AGBL4: variants seen among roughly 807,000 people sequenced by gnomAD.
AGBL4 encodes cytosolic carboxypeptidase 6.
AGBL4 carries 58 observed loss-of-function variants against 66.4 expected under a neutral mutation model. The ratio of observed to expected loss-of-function variants is 0.87; its 90% CI spans 0.71 to 1.09. The LOEUF is 1.09. AGBL4 is among the 50% of genes least tolerant of loss of function. AGBL4 has a pLI of 0.00. For missense variants in AGBL4, 579 were observed against 631.0 expected (o/e 0.92, Z 0.88); for synonymous variants, 234 against 222.9 (o/e 1.05, Z -0.44).
intron 2 of AGBL4, among the ~76,000 whole-genome samples, chr1:49,701,354 T>C (rs1228221580): frequency 6.6e-6 from 1 of 152,104 alleles, no homozygotes; most frequent in Non-Finnish European, 1.5e-5. Flanking sequence ...TTATGTTAAG[T>C]ATTTTTATCA....
chr1:49,060,190 T>C (rs1644378717), intron 4 of AGBL4, among the ~76,000 whole-genome samples: 1 of 152,160 alleles, frequency 6.6e-6, no homozygotes, highest in Non-Finnish European at 1.5e-5. Context: ...TGGTAGGTAA[T>C]TGAATCATGA....
intron 4 of AGBL4, among the ~76,000 whole-genome samples, chr1:49,104,322 C>T (rs1340668238): frequency 6.6e-6 from 1 of 152,090 alleles, no homozygotes; most frequent in Non-Finnish European, 1.5e-5. Context: ...CCACAGTTGA[C>T]TGAATCTCCT....
chr1:49,543,565 C>G (rs971481036), intron 3 of AGBL4, among the ~76,000 whole-genome samples: 2 of 152,086 alleles, frequency 1.3e-5, no homozygotes, highest in African/African-American at 4.8e-5. Flanking sequence ...ATACTGTAAA[C>G]AAGCTAATAT....
At chr1:49,773,672 G>A (rs753855160) in intron 2 of AGBL4, among the ~76,000 whole-genome samples, 4 of 152,196 alleles carry the variant, frequency 2.6e-5, no homozygotes, top group Non-Finnish European at 5.9e-5. Flanking sequence ...AAGGTTGTGT[G>A]TCTGACTCTG....
chr1:48,958,522 A>G (rs1474278819), intron 5 of AGBL4, among the ~76,000 whole-genome samples: 1 of 152,262 alleles, frequency 6.6e-6, no homozygotes, highest in Non-Finnish European at 1.5e-5. Context: ...CCTATTACAT[A>G]TTAGAGCCTC....
chr1:49,298,533 C>G (rs2148439280), intron 3 of AGBL4, among the ~76,000 whole-genome samples: 1 of 152,298 alleles, frequency 6.6e-6, no homozygotes, highest in Non-Finnish European at 1.5e-5. Flanking sequence ...AGCAATCATG[C>G]TAAATCAGGG....
intron 1 of AGBL4, among the ~76,000 whole-genome samples, chr1:49,906,589 T>C (rs1650298875): frequency 6.6e-6 from 1 of 152,102 alleles, no homozygotes; most frequent in Non-Finnish European, 1.5e-5. Flanking sequence ...CAAAATTCCA[T>C]ACTTGTGTAA....
chr1:49,044,506 A>G (rs1209809477), intron 5 of AGBL4, among the ~76,000 whole-genome samples: 3 of 151,912 alleles, frequency 2.0e-5, no homozygotes, highest in Non-Finnish European at 2.9e-5. Flanking sequence ...AAAAAAAAAA[A>G]GGAAGTAGGA....
chr1:48,572,923 A>G (rs1644591689), intron 11 of AGBL4, among the ~76,000 whole-genome samples: 1 of 152,216 alleles, frequency 6.6e-6, no homozygotes, highest in African/African-American at 2.4e-5. Flanking sequence ...GGAGCTGGAG[A>G]GAGTCCAGAC....
chr1:48,675,764 T>A (rs780004940), intron 6 of AGBL4, among the ~76,000 whole-genome samples: 1 of 152,200 alleles, frequency 6.6e-6, no homozygotes, highest in African/African-American at 2.4e-5. Context: ...AATGTCACCA[T>A]TTACAACCAA....
chr1:49,727,493 A>T (rs987113009), intron 2 of AGBL4, among the ~76,000 whole-genome samples: 3 of 152,170 alleles, frequency 2.0e-5, no homozygotes. Context: ...ATGTATTAAG[A>T]GTCTCTGAGG....
chr1:48,745,201 T>A (rs935886945), intron 6 of AGBL4, among the ~76,000 whole-genome samples: 2 of 152,162 alleles, frequency 1.3e-5, no homozygotes, highest in Non-Finnish European at 2.9e-5. Flanking sequence ...GGGACTTTAA[T>A]GGGCTGGGAG....
chr1:49,413,414 A>C (rs1645358986), intron 3 of AGBL4, among the ~76,000 whole-genome samples: 1 of 152,224 alleles, frequency 6.6e-6, no homozygotes, highest in African/African-American at 2.4e-5. Context: ...AAACAAAAGT[A>C]AAATTGCATC....
chr1:49,705,054 A>C (rs1260978192), intron 2 of AGBL4, among the ~76,000 whole-genome samples: 1 of 152,162 alleles, frequency 6.6e-6, no homozygotes, highest in Non-Finnish European at 1.5e-5. Context: ...CTTCCTATCT[A>C]TGAGCATGGA....
At chr1:49,996,395 A>T (rs1385151401) in intron 1 of AGBL4, among the ~76,000 whole-genome samples, 1 of 152,188 alleles carries the variant, frequency 6.6e-6, no homozygotes, top group Non-Finnish European at 1.5e-5. Flanking sequence ...GGAAATGAAA[A>T]ACACACTTAG....
chr1:48,817,656 T>C (rs1221907473), intron 6 of AGBL4: 1 of 203,352 alleles, frequency 4.9e-6, no homozygotes, highest in Non-Finnish European at 9.9e-6. Context: ...TCCCAACAGC[T>C]TTGGTCAACT....
chr1:49,694,808 C>T (rs1057092244), intron 3 of AGBL4, among the ~76,000 whole-genome samples: 1 of 152,076 alleles, frequency 6.6e-6, no homozygotes, highest in Non-Finnish European at 1.5e-5. Context: ...GTGTGAGAAA[C>T]TTGTCCAAAA....
chr1:49,146,821 G>A (rs1406036973), intron 4 of AGBL4, among the ~76,000 whole-genome samples: 1 of 152,228 alleles, frequency 6.6e-6, no homozygotes, highest in Non-Finnish European at 1.5e-5. Context: ...CCATTCTTCT[G>A]CCTCATCCAT....
At chr1:49,527,370 T>G (rs961264099) in intron 3 of AGBL4, 3 of 152,342 alleles carry the variant, frequency 2.0e-5, no homozygotes, top group African/African-American at 7.2e-5. Context: ...GAAATTGGTA[T>G]TTAGAATAAG....
Sources: allele counts gnomAD v4.1 joint callset (sites outside exome capture counted in the v4.1 genomes callset), GRCh38; gene constraint gnomAD v4.1.1; transcripts MANE v1.5; gene names NCBI Gene and HGNC (gene_info 2026-07-23, HGNC 2026-07-21).